Variants in CSMD1 observed in about 807,000 individuals in gnomAD.
The protein encoded by CSMD1 is CUB and Sushi multiple domains 1, also known as CUB and sushi domain-containing protein 1.
CSMD1 carries 213 observed loss-of-function variants against 417.5 expected under a neutral mutation model. The ratio of observed to expected loss-of-function variants is 0.51; its 90% CI spans 0.46 to 0.57. CSMD1 has a LOEUF of 0.57. CSMD1 is among the 20% of genes least tolerant of loss of function. CSMD1 has a pLI of 0.00. For synonymous variants in CSMD1, 2,862 were observed against 1,736.8 expected (o/e 1.65, Z -16.11); for missense variants, 6,923 against 4,529.7 (o/e 1.53, Z -15.17).
At chr8:4,373,067 G>A (rs895118139) in intron 3 of CSMD1, among the ~76,000 whole-genome samples, 2 of 152,152 alleles carry the variant, frequency 1.3e-5, no homozygotes, top group African/African-American at 2.4e-5. Flanking sequence ...GTGATGAGAA[G>A]ACAGTTTACC....
chr8:4,251,274 T>TA (rs530644636), intron 3 of CSMD1, among the ~76,000 whole-genome samples: 56 of 152,196 alleles, frequency 3.7e-4, no homozygotes, highest in African/African-American at 7.0e-4. Context: ...GAAGGCTTTT[T>TA]AAAAAAAATG....
At chr8:3,379,163 T>A (rs929041521) in intron 18 of CSMD1, among the ~76,000 whole-genome samples, 3 of 152,034 alleles carry the variant, frequency 2.0e-5, no homozygotes, top group Non-Finnish European at 2.9e-5. Context: ...ACAAAGAGAA[T>A]AAAATGCTGA....
intron 20 of CSMD1, among the ~76,000 whole-genome samples, 160 bp from the exon 21 acceptor site, chr8:3,359,500 T>C (rs1272737354): frequency 6.6e-6 from 1 of 151,322 alleles, no homozygotes; most frequent in African/African-American, 2.4e-5. Flanking sequence ...TTTTTTCTTG[T>C]ACTATGAACT....
At chr8:3,218,501 C>A (rs1798012052) in intron 29 of CSMD1, among the ~76,000 whole-genome samples, 1 of 147,714 alleles carries the variant, frequency 6.8e-6, no homozygotes, top group Admixed American at 7.1e-5. Context: ...GCAGAGGTTG[C>A]AGTGAGCTGA....
intron 3 of CSMD1, among the ~76,000 whole-genome samples, chr8:4,351,776 C>G (rs1029058425): frequency 5.9e-5 from 9 of 152,076 alleles, no homozygotes; most frequent in African/African-American, 1.9e-4. Context: ...GAAATTGCCA[C>G]TTATTTTGTG....
chr8:4,619,675 A>G (rs928018575), intron 2 of CSMD1, among the ~76,000 whole-genome samples: 3 of 152,264 alleles, frequency 2.0e-5, no homozygotes, highest in Non-Finnish European at 4.4e-5. Context: ...TGCCAAAGAT[A>G]TGTCACTAAA....
intron 5 of CSMD1, among the ~76,000 whole-genome samples, chr8:3,964,725 T>C (rs1028083080): frequency 6.6e-6 from 1 of 152,224 alleles, no homozygotes; most frequent in Non-Finnish European, 1.5e-5. Context: ...TCCATTGCAA[T>C]GTACTTGCGT....
At position 4,010,178 on chromosome 8, in the gene CSMD1, C is replaced by A. The variant is rs144137425; in HGVS notation, c.611-12068G>T. ...GTAGCCAATGTTTTACATCTGTAGT[C>A]CACGTACACTGGTCCTGCTGGCAGA... is the stretch of plus-strand genomic sequence containing the variant. On this transcript the variant is annotated intron_variant, in intron 4 of 69. Transcript: ENST00000635120. Among the ~76,000 whole-genome samples the A allele has an allele frequency of 3.9e-5, 6 of 152,228 alleles. No individual in the cohort carries two copies. The East Asian group carries it at 1.2e-3, about 30-fold the overall frequency.
At chr8:4,256,786 G>T (rs1015552223) in intron 3 of CSMD1, among the ~76,000 whole-genome samples, 5 of 152,272 alleles carry the variant, frequency 3.3e-5, no homozygotes, top group South Asian at 2.1e-4. Context: ...CTTGCAACAG[G>T]GCCAAGCAGT....
intron 12 of CSMD1, among the ~76,000 whole-genome samples, chr8:3,436,014 C>T (rs547958688): frequency 2.0e-5 from 3 of 152,174 alleles, no homozygotes; most frequent in Non-Finnish European, 4.4e-5. Context: ...CACATCCCAG[C>T]TACCCAGGTG....
At chr8:3,836,239 T>G (rs187548861) in intron 5 of CSMD1, among the ~76,000 whole-genome samples, 6 of 152,302 alleles carry the variant, frequency 3.9e-5, no homozygotes, top group Admixed American at 3.3e-4. Context: ...TCTTTAATAT[T>G]TGGTTATCTG....
intron 1 of CSMD1, among the ~76,000 whole-genome samples, chr8:4,946,290 A>T (rs1808366325): frequency 6.6e-6 from 1 of 152,138 alleles, no homozygotes; most frequent in Admixed American, 6.6e-5. Flanking sequence ...CTTTTTCCCA[A>T]AACTAACCTC....
intron 12 of CSMD1, among the ~76,000 whole-genome samples, chr8:3,467,104 G>C (rs1315645984): frequency 6.6e-6 from 1 of 152,110 alleles, no homozygotes; most frequent in African/African-American, 2.4e-5. Flanking sequence ...GCACTAATTA[G>C]GGTAAAATGT....
chr8:2,940,837 T>C (rs1801823578), intron 69 of CSMD1, among the ~76,000 whole-genome samples: 1 of 152,188 alleles, frequency 6.6e-6, no homozygotes, highest in Non-Finnish European at 1.5e-5. Flanking sequence ...TTGGGGTTAA[T>C]GTGGATGCCA....
At chr8:4,274,932 A>G (rs928579732) in intron 3 of CSMD1, among the ~76,000 whole-genome samples, 1 of 152,176 alleles carries the variant, frequency 6.6e-6, no homozygotes, top group Non-Finnish European at 1.5e-5. Flanking sequence ...GGCCACATTC[A>G]TATTTTCTTG....
intron 1 of CSMD1, among the ~76,000 whole-genome samples, chr8:4,940,604 T>C (rs550300391): frequency 5.3e-5 from 8 of 152,338 alleles, no homozygotes; most frequent in East Asian, 1.9e-4. Flanking sequence ...GTTTTGATTC[T>C]GTTTATTTCT....
chr8:2,993,844 G>A (rs1268369576), intron 54 of CSMD1, among the ~76,000 whole-genome samples: 1 of 151,918 alleles, frequency 6.6e-6, no homozygotes, highest in Non-Finnish European at 1.5e-5. Flanking sequence ...GACAAGGCTC[G>A]TGATGTTATC....
chr8:3,914,263 T>C lies in CSMD1; in HGVS notation c.818+83640A>G, dbSNP rs185199519. On this transcript the variant is annotated intron_variant, in intron 5 of 69. Transcript: ENST00000635120. ...AGTAGATAAGAGCTAGTTAGAGAGGTTGCATACTTTGGAGAGAAAGGGTCA... is the reference window on the plus strand; with the variant it reads ...AGTAGATAAGAGCTAGTTAGAGAGGCTGCATACTTTGGAGAGAAAGGGTCA... Among the ~76,000 whole-genome samples, 342 of 152,186 alleles carry C rather than the reference T, an allele frequency of 2.2e-3. 1 individual carries two copies. The highest frequency in any genetic ancestry group is 7.8e-3 in the African/African-American group (323 of 41,550).
chr8:3,664,313 T>C (rs1798570924), intron 7 of CSMD1, among the ~76,000 whole-genome samples: 2 of 152,156 alleles, frequency 1.3e-5, no homozygotes, highest in African/African-American at 4.8e-5. Flanking sequence ...AACTGTTTGC[T>C]CAGAATGATG....
Sources: gnomAD v4.1 joint callset for allele counts (sites outside exome capture counted in the v4.1 genomes callset) on GRCh38, gnomAD v4.1.1 for gene constraint, MANE v1.5 for transcripts, NCBI Gene and HGNC (gene_info 2026-07-23, HGNC 2026-07-21) for gene names.